FBXL13: variants seen among roughly 807,000 people sequenced by gnomAD.
FBXL13 encodes F-box and leucine-rich repeat protein 13.
A neutral mutation model predicts 83.6 loss-of-function variants in FBXL13; 67 were observed. The ratio of observed to expected loss-of-function variants is 0.80; its 90% CI spans 0.66 to 0.98. The LOEUF is 0.98. Ranked by LOEUF, FBXL13 falls within the 50% of genes least tolerant of loss-of-function variation. The pLI is 0.00. For synonymous variants in FBXL13, 272 were observed against 299.5 expected (o/e 0.91, Z 0.95); for missense variants, 822 against 866.5 (o/e 0.95, Z 0.64).
At chr7:102,949,073 AC>A (rs1822998108) in intron 8 of FBXL13, among the ~76,000 whole-genome samples, 1 of 152,206 alleles carries the variant, frequency 6.6e-6, no homozygotes, top group Non-Finnish European at 1.5e-5. Flanking sequence ...TATAAGGATT[AC>A]AACTGTTGTG....
intron 14 of FBXL13, among the ~76,000 whole-genome samples, chr7:102,881,695 A>G (rs1810121017): frequency 2.0e-5 from 3 of 152,094 alleles, no homozygotes; most frequent in Admixed American, 2.0e-4. Flanking sequence ...TTAGAAGTGA[A>G]CTAGAGTGGT....
At chr7:103,058,037 A>T (rs1413076203) in intron 1 of FBXL13, among the ~76,000 whole-genome samples, 1 of 152,076 alleles carries the variant, frequency 6.6e-6, no homozygotes, top group Admixed American at 6.6e-5. Context: ...GTGTCAGCAG[A>T]TCTAGGCCTG....
At chr7:102,937,552 A>G (rs946149529) in intron 8 of FBXL13, among the ~76,000 whole-genome samples, 1 of 151,336 alleles carries the variant, frequency 6.6e-6, no homozygotes, top group African/African-American at 2.4e-5. Context: ...TTTTAATACT[A>G]TCAGTACAAA....
At chr7:102,899,605 C>G (rs778309785) in intron 11 of FBXL13, among the ~76,000 whole-genome samples, 3 of 152,076 alleles carry the variant, frequency 2.0e-5, no homozygotes, top group Non-Finnish European at 4.4e-5. Flanking sequence ...GGTTACATGC[C>G]CTTCCTGGAC....
At chr7:102,832,925 C>T in exon 18 of FBXL13, 1 of 1,614,146 alleles carries the variant, frequency 6.2e-7, no homozygotes, top group Non-Finnish European at 8.5e-7. Flanking sequence ...CAGCTGGGAG[C>T]AATAAGAGAC....
At chr7:102,879,439 ATGTGTGTGTGTGTG>A (rs139051886) in intron 14 of FBXL13, among the ~76,000 whole-genome samples, 2 of 144,698 alleles carry the variant, frequency 1.4e-5, no homozygotes, top group African/African-American at 5.2e-5. Flanking sequence ...GCAGTTAAGG[ATGTGTGTGTGTGTG>A]TGTGTGTGTG....
At chr7:102,925,693 G>A (rs539275228) in intron 10 of FBXL13, among the ~76,000 whole-genome samples, 1 of 152,200 alleles carries the variant, frequency 6.6e-6, no homozygotes, top group African/African-American at 2.4e-5. Flanking sequence ...TGTAATTCCA[G>A]CGCTTTGGGA....
At position 102,913,247 on chromosome 7, in the gene FBXL13, T is replaced by C. The variant is rs1563081232; in HGVS notation, c.879-32A>G. On this transcript the variant is annotated intron_variant, in intron 10 of 19. Coordinates refer to ENST00000313221, the Ensembl canonical transcript of FBXL13. ...AGACAAAAGAGAGGAAGGAAAGTAT[T>C]ATACTTCCGTTGTTCTCTCAAATCT... is the stretch of plus-strand genomic sequence containing the variant. 6 of 1,612,986 alleles carry C rather than the reference T, an allele frequency of 3.7e-6. No individual in the cohort carries two copies. The South Asian group carries it at 6.6e-5, about 18-fold the overall frequency.
chr7:103,055,121 G>C, intron 2 of FBXL13: 3 of 1,288,684 alleles, frequency 2.3e-6, no homozygotes, highest in Non-Finnish European at 3.0e-6. Context: ...GTTGTTCCAG[G>C]TAAGTTTCAG....
At chr7:102,873,487 C>A (rs931742430) in intron 16 of FBXL13, among the ~76,000 whole-genome samples, 1 of 152,202 alleles carries the variant, frequency 6.6e-6, no homozygotes, top group Non-Finnish European at 1.5e-5. Context: ...ATGCTTACTG[C>A]CCTCTCCCTA....
chr7:102,867,516 G>T (rs1218987024), intron 16 of FBXL13, among the ~76,000 whole-genome samples: 1 of 151,428 alleles, frequency 6.6e-6, no homozygotes, highest in African/African-American at 2.4e-5. Context: ...TGTGTGTCTG[G>T]AGCTGAGGAT....
intron 6 of FBXL13, among the ~76,000 whole-genome samples, chr7:102,968,691 G>T (rs1178813671): frequency 6.6e-6 from 1 of 152,192 alleles, no homozygotes; most frequent in Non-Finnish European, 1.5e-5. Context: ...TAATTCAGTT[G>T]TCAAGAAAGT....
intron 16 of FBXL13, among the ~76,000 whole-genome samples, chr7:102,855,314 A>G (rs1384194701): frequency 6.6e-6 from 1 of 152,222 alleles, no homozygotes; most frequent in Admixed American, 6.5e-5. Flanking sequence ...TTGAAGAGGA[A>G]GAGAATAGAT....
chr7:103,061,406 T>C (rs1231205431), intron 1 of FBXL13, among the ~76,000 whole-genome samples: 5 of 152,150 alleles, frequency 3.3e-5, no homozygotes, highest in Admixed American at 3.3e-4. Context: ...TTTCTTTGTT[T>C]AGTGTCCTGT....
chr7:102,898,068 A>G (rs17135913), intron 11 of FBXL13, among the ~76,000 whole-genome samples: 25,812 of 152,132 alleles, frequency 0.17, 2,226 homozygotes, highest in Middle Eastern at 0.23. Context: ...TTTCTAAATC[A>G]TAAAAGTGTC....
At position 102,826,724 on chromosome 7, in the gene FBXL13, CATATATATATATATATATATATATAT is replaced by C. The variant is rs58307950; in HGVS notation, c.1855-4547_1855-4522del. Among the ~76,000 whole-genome samples the C allele has an allele frequency of 1.6e-3, 102 of 62,728 alleles. 1 individual carries two copies. The Middle Eastern group carries it at 0.033, about 20-fold the overall frequency. The allele number at this position is 62,728 out of a possible 152,430, so 41.2% of individuals were successfully genotyped here. A position where few individuals can be genotyped will look rare whatever the true frequency, so the allele number is the denominator to read the frequency against. On this transcript the variant is annotated intron_variant, in intron 18 of 19. Transcript: ENST00000313221. The stretch of plus-strand genomic sequence containing the variant: ...TGGGAGACAGAGTGAGACCCTGTCT[CATATATATATATATATATATATATAT>C]ATATATATATATATATATATATGTA...
rs75143206 is a variant in FBXL13 at position 103,069,118 on chromosome 7, C to T, written c.-105+5128G>A. 6.5e-3 allele frequency among the ~76,000 whole-genome samples: 979 copies of T among 151,612 alleles called. 3 individuals are homozygous for T. The highest frequency in any genetic ancestry group is 0.022 in the African/African-American group (921 of 41,268). On this transcript the variant is annotated intron_variant, in intron 1 of 19. Coordinates refer to ENST00000313221, the Ensembl canonical transcript of FBXL13. ...GAGGAGCACCTCTGCCTGGCTGTCG[C>T]CCCCTCTGGGAAGTGAGGAGGCCCT...
intron 8 of FBXL13, among the ~76,000 whole-genome samples, chr7:102,943,754 A>C (rs1821923680): frequency 6.6e-6 from 1 of 152,212 alleles, no homozygotes; most frequent in Admixed American, 6.5e-5. Flanking sequence ...AAGATTTGAC[A>C]ACACCTTTTG....
chr7:102,899,924 G>A (rs1812755241), intron 11 of FBXL13, among the ~76,000 whole-genome samples: 1 of 152,028 alleles, frequency 6.6e-6, no homozygotes, highest in African/African-American at 2.4e-5. Flanking sequence ...GTGCATGCCT[G>A]TAATCCCAGC....
Sources: allele counts gnomAD v4.1 joint callset (sites outside exome capture counted in the v4.1 genomes callset), GRCh38; gene constraint gnomAD v4.1.1; transcripts MANE v1.5; gene names NCBI Gene and HGNC (gene_info 2026-07-23, HGNC 2026-07-21).